Variants in SCFD1 observed in about 807,000 individuals in gnomAD.
The protein encoded by SCFD1 is sec1 family domain-containing protein 1.
In SCFD1, 37 loss-of-function variants were observed where a neutral mutation model predicts 103.2. The observed-to-expected ratio is 0.36, with a 90% confidence interval of 0.28 to 0.47. The LOEUF is 0.47. SCFD1 is among the 20% of genes least tolerant of loss of function. SCFD1 has a pLI of 1.00. For synonymous variants in SCFD1, 264 were observed against 245.0 expected, an observed-to-expected ratio of 1.08 and a Z score of -0.73; for missense variants, 639 against 761.2, an observed-to-expected ratio of 0.84 and a Z score of 1.89.
intron 4 of SCFD1, among the ~76,000 whole-genome samples, chr14:30,634,385 T>C (rs1884494767): frequency 1.3e-5 from 2 of 152,188 alleles, no homozygotes; most frequent in Non-Finnish European, 2.9e-5. Context: ...GAATATATTT[T>C]ATAATTGCTC....
At chr14:30,625,005 T>C (rs1290044860) in intron 1 of SCFD1, among the ~76,000 whole-genome samples, 3 of 152,180 alleles carry the variant, frequency 2.0e-5, no homozygotes, top group Non-Finnish European at 4.4e-5. Flanking sequence ...AAATTACACC[T>C]CAACTCCATC....
intron 7 of SCFD1, among the ~76,000 whole-genome samples, chr14:30,645,637 T>C (rs1023715387): frequency 6.6e-6 from 1 of 152,192 alleles, no homozygotes; most frequent in Non-Finnish European, 1.5e-5. Flanking sequence ...TGGATATTAT[T>C]GGTGTATAGA....
intron 7 of SCFD1, among the ~76,000 whole-genome samples, chr14:30,646,589 T>G (rs1011507860): frequency 1.3e-5 from 2 of 152,152 alleles, no homozygotes; most frequent in African/African-American, 4.8e-5. Context: ...TATTTTTTTG[T>G]TGTGTCTCTG....
intron 4 of SCFD1, among the ~76,000 whole-genome samples, 172 bp from the exon 5 acceptor site, chr14:30,637,953 T>G (rs1884894748): frequency 6.6e-6 from 1 of 152,194 alleles, no homozygotes; most frequent in Non-Finnish European, 1.5e-5. Flanking sequence ...TAGTTACATC[T>G]GATAACCAGA....
chr14:30,654,084 T>C (rs1389550668), intron 10 of SCFD1: 1 of 152,772 alleles, frequency 6.5e-6, no homozygotes, highest in Non-Finnish European at 1.5e-5. Flanking sequence ...TATGCATATG[T>C]AAATTTAGCT....
chr14:30,725,513 G>A (rs1050136110), intron 23 of SCFD1, among the ~76,000 whole-genome samples: 1 of 152,156 alleles, frequency 6.6e-6, no homozygotes, highest in South Asian at 2.1e-4. Flanking sequence ...AGGCATGCTA[G>A]TGATTTTTGC....
rs71443380 is a variant in SCFD1, at chr14:30,703,910, CATATATATATATATATATATATATATAT to C, written c.1490+1561_1490+1588del. ...ATTTTTTCAGATTTGGGAATATTTG[CATATATATATATATATATATATATATAT>C]ATATATATATATATATATATATATA... On this transcript the variant is annotated intron_variant, in intron 17 of 24. Coordinates refer to ENST00000458591, the MANE Select transcript of SCFD1 (RefSeq NM_016106.4). Among the ~76,000 whole-genome samples, 557 of 39,552 alleles carry C rather than the reference CATATATATATATATATATATATATATAT, an allele frequency of 0.014. 40 individuals are homozygous for C. In the East Asian group the frequency reaches 0.17, roughly 12 times the overall value. The allele number at this position is 39,552 out of a possible 152,430, so 25.9% of individuals were successfully genotyped here. A position where few individuals can be genotyped will look rare whatever the true frequency, so the allele number is the denominator to read the frequency against.
intron 20 of SCFD1, among the ~76,000 whole-genome samples, 182 bp from the exon 21 acceptor site, chr14:30,719,143 G>C (rs1276894383): frequency 6.6e-6 from 1 of 152,150 alleles, no homozygotes; most frequent in Admixed American, 6.5e-5. Flanking sequence ...TTAGGATTGA[G>C]TAATTTCATC....
At chr14:30,724,824 A>G (rs543145463) in intron 23 of SCFD1, among the ~76,000 whole-genome samples, 15 of 152,270 alleles carry the variant, frequency 9.9e-5, no homozygotes, top group African/African-American at 3.1e-4. Flanking sequence ...TTTGGGTTTA[A>G]CATTTGAGTC....
intron 10 of SCFD1, among the ~76,000 whole-genome samples, chr14:30,656,339 G>A (rs903206793): frequency 5.3e-5 from 8 of 152,302 alleles, no homozygotes; most frequent in Middle Eastern, 3.4e-3. Context: ...AGTTAATGAT[G>A]CAGGAGATAA....
intron 17 of SCFD1, 86 bp from the exon 18 acceptor site, chr14:30,705,731 AAGTTAG>A (rs1442218550): frequency 1.1e-6 from 1 of 902,440 alleles, no homozygotes. Context: ...TGCATCATAG[AAGTTAG>A]AGTTAGTCAG....
intron 10 of SCFD1, among the ~76,000 whole-genome samples, chr14:30,660,761 A>G (rs1347651097): frequency 2.6e-5 from 4 of 152,026 alleles, no homozygotes; most frequent in African/African-American, 7.2e-5. Flanking sequence ...ACAGATTTTT[A>G]TATTTGAGAT....
At chr14:30,667,554 A>C (rs1888106729) in intron 10 of SCFD1, among the ~76,000 whole-genome samples, 1 of 152,214 alleles carries the variant, frequency 6.6e-6, no homozygotes, top group Non-Finnish European at 1.5e-5. Flanking sequence ...AGTTCTGGCC[A>C]GGGCAGTCAG....
At chr14:30,678,249 G>A (rs1239416549) in intron 14 of SCFD1, among the ~76,000 whole-genome samples, 6 of 152,072 alleles carry the variant, frequency 3.9e-5, no homozygotes, top group African/African-American at 9.7e-5. Flanking sequence ...GAGTATAACC[G>A]CTTCTTACAT....
chr14:30,647,840 G>A (rs1181190924), intron 7 of SCFD1, among the ~76,000 whole-genome samples: 1 of 152,028 alleles, frequency 6.6e-6, no homozygotes, highest in Non-Finnish European at 1.5e-5. Context: ...TAGCAGAGAC[G>A]GGGTTTCACC....
At chr14:30,663,911 A>C (rs1024031385) in intron 10 of SCFD1, among the ~76,000 whole-genome samples, 1 of 152,234 alleles carries the variant, frequency 6.6e-6, no homozygotes, top group African/African-American at 2.4e-5. Flanking sequence ...ACTTAATATA[A>C]GGTGCTAAGA....
chr14:30,733,666 G>A (rs1893638937), intron 23 of SCFD1, among the ~76,000 whole-genome samples: 1 of 152,160 alleles, frequency 6.6e-6, no homozygotes, highest in Non-Finnish European at 1.5e-5. Flanking sequence ...ATAAACCAGG[G>A]GGCAACCTTG....
chr14:30,623,107 C>T (rs552577744), intron 1 of SCFD1, among the ~76,000 whole-genome samples: 1 of 152,060 alleles, frequency 6.6e-6, no homozygotes, highest in Non-Finnish European at 1.5e-5. Context: ...ATTAGTTTTG[C>T]CTTACTTGAA....
intron 10 of SCFD1, among the ~76,000 whole-genome samples, chr14:30,669,350 A>T (rs918755611): frequency 1.3e-5 from 2 of 152,056 alleles, no homozygotes; most frequent in African/African-American, 4.8e-5. Flanking sequence ...CTTCTTCATC[A>T]ATCATTTACT....
Sources: gnomAD v4.1 joint callset for allele counts (sites outside exome capture counted in the v4.1 genomes callset) on GRCh38, gnomAD v4.1.1 for gene constraint, MANE v1.5 for transcripts, NCBI Gene and HGNC (gene_info 2026-07-23, HGNC 2026-07-21) for gene names.